Variants in THSD4 observed in about 807,000 individuals in gnomAD.
The protein encoded by THSD4 is thrombospondin type 1 domain containing 4.
A neutral mutation model predicts 119.0 loss-of-function variants in THSD4; 69 were observed. That is an observed-to-expected ratio of 0.58 (90% CI 0.48 to 0.71). THSD4 has a LOEUF of 0.71. Ranked by LOEUF, THSD4 falls within the 30% of genes least tolerant of loss-of-function variation. The pLI, the probability that THSD4 is intolerant of heterozygous loss-of-function variation, is 0.00. For missense variants in THSD4, 1,393 were observed against 1,391.1 expected (o/e 1.00, Z -0.02); for synonymous variants, 524 against 540.4 (o/e 0.97, Z 0.42).
At chr15:71,169,090 C>G (rs1375042924) in intron 3 of THSD4, among the ~76,000 whole-genome samples, 1 of 152,018 alleles carries the variant, frequency 6.6e-6, no homozygotes, top group Non-Finnish European at 1.5e-5. Flanking sequence ...ATAAAGAACC[C>G]CTTCAGATCA....
intron 1 of THSD4, among the ~76,000 whole-genome samples, chr15:71,098,775 T>C (rs1296461328): frequency 6.6e-6 from 1 of 152,126 alleles, no homozygotes; most frequent in Non-Finnish European, 1.5e-5. Flanking sequence ...ATGTAGAGAC[T>C]CAATAAGAAT....
chr15:71,705,916 T>A (rs1210003246), intron 8 of THSD4, among the ~76,000 whole-genome samples: 1 of 151,920 alleles, frequency 6.6e-6, no homozygotes, highest in Non-Finnish European at 1.5e-5. Context: ...TTACTTCTAG[T>A]TGGGGTGGCA....
chr15:71,099,175 G>A (rs1272570368), intron 1 of THSD4, among the ~76,000 whole-genome samples: 2 of 152,172 alleles, frequency 1.3e-5, no homozygotes, highest in South Asian at 2.1e-4. Context: ...TTGCCTCCTG[G>A]TGGTCTGGGG....
At chr15:71,477,680 A>T (rs1426522887) in intron 7 of THSD4, among the ~76,000 whole-genome samples, 1 of 151,954 alleles carries the variant, frequency 6.6e-6, no homozygotes, top group Non-Finnish European at 1.5e-5. Context: ...TTCAGCCTCC[A>T]CCTTCATGCT....
intron 7 of THSD4, among the ~76,000 whole-genome samples, chr15:71,558,913 G>A (rs2049067574): frequency 6.6e-6 from 1 of 152,136 alleles, no homozygotes; most frequent in Admixed American, 6.5e-5. Context: ...TGTGGTCTGA[G>A]AATGTGGTAT....
At chr15:71,259,557 C>A (rs2044365570) in intron 6 of THSD4, among the ~76,000 whole-genome samples, 1 of 152,200 alleles carries the variant, frequency 6.6e-6, no homozygotes, top group African/African-American at 2.4e-5. Context: ...ACTGCCTCAA[C>A]TGGCTCACAG....
At chr15:71,399,331 CAT>C (rs370001297) in intron 6 of THSD4, among the ~76,000 whole-genome samples, 411 of 152,248 alleles carry the variant, frequency 2.7e-3, no homozygotes, top group African/African-American at 9.6e-3. Flanking sequence ...AAACACTAGA[CAT>C]ATAAAATTTA....
chr15:71,569,234 C>T (rs1300032951), intron 7 of THSD4, among the ~76,000 whole-genome samples: 2 of 152,026 alleles, frequency 1.3e-5, no homozygotes, highest in Non-Finnish European at 2.9e-5. Flanking sequence ...CACACGGAGG[C>T]TTTCTTTGCT....
intron 1 of THSD4, among the ~76,000 whole-genome samples, chr15:71,108,348 G>C (rs1250125998): frequency 6.6e-6 from 1 of 152,200 alleles, no homozygotes; most frequent in East Asian, 1.9e-4. Flanking sequence ...GCTAAGCTTT[G>C]GGACAAGCCC....
rs976656863 is a variant in THSD4, at chr15:71,417,820, G to A, written c.1152+5997G>A. 6.5e-5 allele frequency among the ~76,000 whole-genome samples: 7 copies of A among 107,728 alleles called. 2 individuals carry two copies. Among genetic ancestry groups the A allele is most frequent in the Non-Finnish European group, 1.0e-4 (5 of 49,014 alleles). 70.7% of individuals were successfully genotyped at this position (107,728 alleles called of 152,430 possible). On this transcript the variant is annotated intron_variant, in intron 7 of 17. Coordinates refer to ENST00000261862, the MANE Select transcript of THSD4 (RefSeq NM_024817.3). ...AAGGATTACATTAAATCTGTAATTC[G>A]CTTTGGTTTTATGGACATTTTAGCA... is the stretch of plus-strand genomic sequence containing the variant.
intron 6 of THSD4, among the ~76,000 whole-genome samples, chr15:71,353,626 G>A (rs1400636576): frequency 2.0e-5 from 3 of 152,326 alleles, no homozygotes; most frequent in South Asian, 4.1e-4. Flanking sequence ...ACATTCCCAT[G>A]TGCAGCTTTT....
chr15:71,267,455 G>C (rs1012967792), intron 6 of THSD4, among the ~76,000 whole-genome samples: 9 of 152,180 alleles, frequency 5.9e-5, no homozygotes, highest in Admixed American at 2.0e-4. Context: ...AAGAGCTCCT[G>C]AAGGAAGCAC....
intron 8 of THSD4, among the ~76,000 whole-genome samples, chr15:71,689,809 T>C (rs866535481): frequency 3.2e-4 from 49 of 152,316 alleles, no homozygotes; most frequent in Admixed American, 8.5e-4. Context: ...TCGGGTGTTA[T>C]TTCCCTCCAG....
Position 71,215,178 on chromosome 15 carries a change from G to T in THSD4, c.243G>T (p.Leu81=), listed in dbSNP as rs745881439. 1.5e-5 allele frequency: 20 copies of T among 1,371,468 alleles called. No individual in the cohort carries two copies. Among genetic ancestry groups the T allele is most frequent in the Non-Finnish European group, 1.7e-5 (18 of 1,064,338 alleles). The allele number at this position is 1,371,468 out of a possible 1,614,324, so 85.0% of individuals were successfully genotyped here. ...GGVMEQTRPC[L]PRSYRLRGGQ... is the part of the protein sequence containing the mutation. ...TGATGGAGCAGACGCGGCCCTGCCTGCCCCGCTCCTACCGCCTGCGCGGCG... is the reference window on the plus strand; with the variant it reads ...TGATGGAGCAGACGCGGCCCTGCCTTCCCCGCTCCTACCGCCTGCGCGGCG... Residue 81 remains leucine (L), a synonymous_variant, in exon 4 of 18, where the codon CTG becomes CTT. Transcript: ENST00000261862.
chr15:71,761,717 G>T (rs1218676655), intron 15 of THSD4, among the ~76,000 whole-genome samples: 1 of 152,036 alleles, frequency 6.6e-6, no homozygotes, highest in Non-Finnish European at 1.5e-5. Flanking sequence ...TCTTCTTCCT[G>T]GTTCTTTTTT....
At chr15:71,538,400 C>G (rs62026274) in intron 7 of THSD4, among the ~76,000 whole-genome samples, 40,730 of 152,064 alleles carry the variant, frequency 0.27, 6,193 homozygotes, top group East Asian at 0.63. Context: ...CGAAATCCCT[C>G]TACATGTTTA....
At chr15:71,331,486 C>T (rs182592043) in intron 6 of THSD4, among the ~76,000 whole-genome samples, 1 of 152,214 alleles carries the variant, frequency 6.6e-6, no homozygotes, top group Non-Finnish European at 1.5e-5. Flanking sequence ...AACACACTTA[C>T]TAAATGCAAA....
intron 6 of THSD4, among the ~76,000 whole-genome samples, chr15:71,400,830 A>G (rs1005996406): frequency 4.0e-5 from 6 of 150,988 alleles, no homozygotes; most frequent in Admixed American, 6.6e-5. Flanking sequence ...ATTCCACAAA[A>G]AAAGAAAAAA....
chr15:71,137,387 C>G (rs1286933003), intron 1 of THSD4, among the ~76,000 whole-genome samples: 1 of 152,178 alleles, frequency 6.6e-6, no homozygotes, highest in Non-Finnish European at 1.5e-5. Flanking sequence ...GCCTTGGCTT[C>G]TAGGTTTAAT....
Sources: allele counts gnomAD v4.1 joint callset (sites outside exome capture counted in the v4.1 genomes callset), GRCh38; gene constraint gnomAD v4.1.1; transcripts MANE v1.5; gene names NCBI Gene and HGNC (gene_info 2026-07-23, HGNC 2026-07-21).